The following KLRG1 variants were observed in gnomAD, a reference collection of about 807,000 sequenced individuals.
KLRG1 encodes the protein killer cell lectin like receptor G1.
A neutral mutation model predicts 21.8 loss-of-function variants in KLRG1; 16 were observed. That is an observed-to-expected ratio of 0.73 (90% CI 0.50 to 1.11). KLRG1 has a LOEUF of 1.11. Ranked by LOEUF, KLRG1 falls within the 50% of genes most tolerant of loss-of-function variation. KLRG1 has a pLI of 0.00. For synonymous variants in KLRG1, 69 were observed against 75.9 expected (o/e 0.91, Z 0.47); for missense variants, 173 against 218.3 (o/e 0.79, Z 1.31).
chr12:9,072,360 T>A, the KLRG1 span: 1 of 1,613,830 alleles, frequency 6.2e-7, no homozygotes, highest in South Asian at 1.1e-5. Flanking sequence ...AGGTCTTACC[T>A]GACACTTAGG....
chr12:9,214,515 AC>A, the KLRG1 span, among the ~76,000 whole-genome samples: 1 of 151,972 alleles, frequency 6.6e-6, no homozygotes, highest in Non-Finnish European at 1.5e-5. Context: ...TGCTAATGTC[AC>A]CTTTGGCTTA....
At chr12:9,192,360 GAATC>G in the KLRG1 span, 3 of 1,322,610 alleles carry the variant, frequency 2.3e-6, no homozygotes, top group Non-Finnish European at 3.2e-6. Flanking sequence ...GTGCTGGAGA[GAATC>G]AACCTCAAGA....
the KLRG1 span, chr12:9,163,565 G>A: frequency 7.7e-7 from 1 of 1,300,436 alleles, no homozygotes; most frequent in Non-Finnish European, 1.1e-6. Flanking sequence ...AGTCTTACAG[G>A]ATGTATTGTG....
the KLRG1 span, among the ~76,000 whole-genome samples, chr12:9,172,600 C>T: frequency 0.058 from 8,862 of 152,128 alleles, 466 homozygotes; most frequent in African/African-American, 0.14. Flanking sequence ...TCATCTCACA[C>T]GCAAGGACAG....
chr12:9,010,170 A>G lies in KLRG1; in HGVS notation c.*633A>G. 1.9e-6 allele frequency: 1 copy of G among 536,394 alleles called. No homozygotes were observed. Among genetic ancestry groups the G allele is most frequent in the Non-Finnish European group, 3.2e-6 (1 of 310,022 alleles). 33.2% of individuals were successfully genotyped at this position (536,394 alleles called of 1,614,324 possible). On this transcript the variant is annotated 3_prime_UTR_variant, in exon 5 of 5. Coordinates refer to ENST00000356986, the MANE Select transcript of KLRG1 (RefSeq NM_005810.4). ...CACTGTACTCCAGCCTGGGAGATAG[A>G]GCAAGACTCCATCTCTAAAAAAAAA...
chr12:9,161,157 G>T, the KLRG1 span: 1 of 1,441,670 alleles, frequency 6.9e-7, no homozygotes, highest in Non-Finnish European at 9.5e-7. Flanking sequence ...GGACATCTAT[G>T]ATTACAATAT....
chr12:9,014,245 C>A (rs2159960), downstream of KLRG1, among the ~76,000 whole-genome samples: 35,560 of 151,962 alleles, frequency 0.23, 4,864 homozygotes, highest in East Asian at 0.37. Context: ...AAGAATATCA[C>A]TATTCAAGCA....
At chr12:9,038,567 C>T in the KLRG1 span, among the ~76,000 whole-genome samples, 2 of 152,076 alleles carry the variant, frequency 1.3e-5, no homozygotes, top group African/African-American at 2.4e-5. Flanking sequence ...GGACTATTGC[C>T]TAGCAAAGTT....
chr12:9,079,784 T>C, the KLRG1 span: 1 of 1,612,164 alleles, frequency 6.2e-7, no homozygotes, highest in Non-Finnish European at 8.5e-7. Context: ...GAAGATTTTG[T>C]GTGTTTTGCA....
At chr12:9,100,147 G>A in the KLRG1 span, among the ~76,000 whole-genome samples, 3 of 152,192 alleles carry the variant, frequency 2.0e-5, no homozygotes, top group South Asian at 6.2e-4. Flanking sequence ...CATGGCAAGA[G>A]TCCGCTTCAG....
the KLRG1 span, among the ~76,000 whole-genome samples, chr12:9,045,509 T>A: frequency 6.6e-6 from 1 of 152,116 alleles, no homozygotes; most frequent in African/African-American, 2.4e-5. Context: ...AAAAAACACA[T>A]TTTGAAGAGG....
chr12:9,211,749 A>G, the KLRG1 span, among the ~76,000 whole-genome samples: 2 of 152,216 alleles, frequency 1.3e-5, no homozygotes, highest in Admixed American at 6.5e-5. Context: ...TTTTACAGGT[A>G]AAGATCCTCA....
the KLRG1 span, among the ~76,000 whole-genome samples, chr12:9,124,348 G>A: frequency 6.6e-6 from 1 of 152,120 alleles, no homozygotes; most frequent in Non-Finnish European, 1.5e-5. Context: ...TGCCCAAACC[G>A]AGGCTGCAGA....
the KLRG1 span, among the ~76,000 whole-genome samples, chr12:9,106,899 A>C: frequency 6.6e-6 from 1 of 152,220 alleles, no homozygotes; most frequent in East Asian, 1.9e-4. Flanking sequence ...ATATTTATAC[A>C]TATTTATGGG....
chr12:9,181,245 T>C, the KLRG1 span: 1 of 1,344,202 alleles, frequency 7.4e-7, no homozygotes, highest in South Asian at 1.4e-5. Flanking sequence ...ATGTTGGTAA[T>C]GTCAGTCAGA....
At chr12:9,095,403 T>A in the KLRG1 span, 1 of 790,382 alleles carries the variant, frequency 1.3e-6, no homozygotes, top group Non-Finnish European at 1.9e-6. Context: ...CTGCTGCTAT[T>A]AGTAGAGAAG....
the KLRG1 span, among the ~76,000 whole-genome samples, chr12:9,121,544 C>CA: frequency 3.9e-5 from 6 of 152,062 alleles, no homozygotes; most frequent in Non-Finnish European, 7.4e-5. This position sits in a 1 kb window ranked among gnomAD's most constrained non-coding sequence, Gnocchi z 4.4. Flanking sequence ...TGTCTCGAAA[C>CA]AAACAAACAA....
chr12:9,203,344 T>G, the KLRG1 span, among the ~76,000 whole-genome samples: 2 of 125,966 alleles, frequency 1.6e-5, no homozygotes, highest in African/African-American at 8.1e-5. Context: ...TTCCTTTTTT[T>G]TTTTTTTTTT....
chr12:9,060,382 A>C, the KLRG1 span, among the ~76,000 whole-genome samples: 6 of 152,266 alleles, frequency 3.9e-5, no homozygotes, highest in Middle Eastern at 3.4e-3. Context: ...TGGTCTTTCA[A>C]CTGCTGGGAA....
Sources: allele counts gnomAD v4.1 joint callset (sites outside exome capture counted in the v4.1 genomes callset), GRCh38; gene constraint gnomAD v4.1.1; non-coding constraint Gnocchi (gnomAD v3.1); transcripts MANE v1.5; gene names NCBI Gene and HGNC (gene_info 2026-07-23, HGNC 2026-07-21).